KCNK17: variants seen among roughly 807,000 people sequenced by gnomAD.
KCNK17 encodes the protein potassium channel subfamily K member 17.
A neutral mutation model predicts 24.6 loss-of-function variants in KCNK17; 27 were observed. The observed-to-expected ratio is 1.10, with a 90% CI of 0.81 to 1.51. The LOEUF (loss-of-function observed/expected upper bound fraction) is 1.51, where lower values mean the gene tolerates loss of function less well. Ranked by LOEUF, KCNK17 falls within the 40% of genes most tolerant of loss-of-function variation. The probability of loss-of-function intolerance (pLI) is 0.00; values close to 1 mark genes in which losing one functional copy is unlikely to be tolerated. For synonymous variants in KCNK17, 181 were observed against 189.8 expected (o/e 0.95, Z 0.38); for missense variants, 450 against 436.6 (o/e 1.03, Z -0.27).
At chr6:39,309,553 A>G (rs116678086) in intron 2 of KCNK17, among the ~76,000 whole-genome samples, 167 of 152,230 alleles carry the variant, frequency 1.1e-3, no homozygotes, top group Middle Eastern at 6.8e-3. Context: ...GCATAATCCA[A>G]GCTAGGGGTG....
At chr6:39,313,068 G>A (rs1762172678) in intron 1 of KCNK17, among the ~76,000 whole-genome samples, 1 of 152,210 alleles carries the variant, frequency 6.6e-6, no homozygotes, top group African/African-American at 2.4e-5. Context: ...CTGCAAGACG[G>A]GGATTCTGGG....
intron 1 of KCNK17, among the ~76,000 whole-genome samples, chr6:39,312,214 G>A (rs1317060902): frequency 6.6e-6 from 1 of 152,232 alleles, no homozygotes; most frequent in Non-Finnish European, 1.5e-5. Context: ...ATTTAGGACA[G>A]GTGGAGAAGC....
In KCNK17 at chr6:39,308,851, C is replaced by T. The variant is rs573373182; in HGVS notation, c.352+2042G>A. Among the ~76,000 whole-genome samples the T allele has an allele frequency of 5.3e-5, 8 of 152,352 alleles. No homozygotes were observed. The South Asian group carries it at 1.7e-3, about 32-fold the overall frequency. ...ATTCCAGATGTACCTCATCTTCCAT[C>T]TCCCTCTCCTTCTCTCTCCAAATAC... On this transcript the variant is annotated intron_variant, in intron 2 of 4. Coordinates refer to ENST00000373231, the MANE Select transcript of KCNK17 (RefSeq NM_031460.4).
rs151078165 is a variant in KCNK17 at position 39,311,360 on chromosome 6, G to A, written c.238-353C>T. On this transcript the variant is annotated intron_variant, in intron 1 of 4. Transcript: ENST00000373231. ...CAACAAACACTAGGCCAGGCGTGAT[G>A]TGTGGTGCTTTTAGGGGACGTGACC... is the stretch of plus-strand genomic sequence containing the variant. 4.0e-3 allele frequency among the ~76,000 whole-genome samples: 613 copies of A among 152,290 alleles called. 1 individual carries two copies. Among genetic ancestry groups the A allele is most frequent in the Middle Eastern group, 0.01 (3 of 294 alleles).
chr6:39,309,260 GT>G (rs1327238479), intron 2 of KCNK17, among the ~76,000 whole-genome samples: 1 of 152,228 alleles, frequency 6.6e-6, no homozygotes, highest in East Asian at 1.9e-4. Context: ...GGAGGCGGAG[GT>G]TTCAGTGAGC....
intron 1 of KCNK17, among the ~76,000 whole-genome samples, chr6:39,312,471 G>A (rs1762156280): frequency 2.0e-5 from 3 of 152,188 alleles, no homozygotes; most frequent in South Asian, 4.1e-4. Flanking sequence ...CCACACTGAG[G>A]CAGTATTTAT....
intron 2 of KCNK17, among the ~76,000 whole-genome samples, chr6:39,308,377 G>A (rs1282582470): frequency 3.3e-5 from 5 of 152,178 alleles, no homozygotes; most frequent in Admixed American, 2.0e-4. Flanking sequence ...TGCAACCTCC[G>A]CCTCCCAGGC....
intron 4 of KCNK17, among the ~76,000 whole-genome samples, chr6:39,301,782 A>T (rs1257561901): frequency 6.6e-6 from 1 of 152,220 alleles, no homozygotes; most frequent in African/African-American, 2.4e-5. Context: ...GCCTTCAGGC[A>T]GAGGAGTGGC....
chr6:39,302,952 G>A (rs1186082719), intron 4 of KCNK17, among the ~76,000 whole-genome samples: 1 of 152,140 alleles, frequency 6.6e-6, no homozygotes, highest in African/African-American at 2.4e-5. Context: ...CAGGAACACT[G>A]AGGCCCAGAG....
rs557213391 is a variant in KCNK17, at chr6:39,303,854, C to T, written c.688+103G>A. 381 of 1,333,902 alleles carry T rather than the reference C, an allele frequency of 2.9e-4. 5 individuals carry two copies. The South Asian group carries it at 4.7e-3, about 16-fold the overall frequency. 82.6% of individuals were successfully genotyped at this position (1,333,902 alleles called of 1,614,324 possible). Reference sequence around the variant, plus strand: ...CTCCGGATTTTGGGCCCAAAAGCCCCCACATGGCGTGCACACAGCAGGTGC... The same window carrying T: ...CTCCGGATTTTGGGCCCAAAAGCCCTCACATGGCGTGCACACAGCAGGTGC... On this transcript the variant is annotated intron_variant, in intron 4 of 4. Transcript: ENST00000373231.
chr6:39,314,105 C>T lies in KCNK17; in HGVS notation c.216G>A (p.Pro72=). The change falls in exon 1 of 5, where the codon CCG becomes CCA. Residue 72 remains proline, a synonymous_variant. Coordinates refer to ENST00000373231, the MANE Select transcript of KCNK17 (RefSeq NM_031460.4). The part of the protein sequence containing the change: ...LLQNFTCLDR[P]ALDSLIRDVV... Reference sequence around the variant, plus strand: ...TGACCCGGATCAGCGAGTCCAGCGCCGGGCGGTCCAGACACGTGAAGTTCT... The same window carrying T: ...TGACCCGGATCAGCGAGTCCAGCGCTGGGCGGTCCAGACACGTGAAGTTCT... The T allele has an allele frequency of 2.5e-6, 4 of 1,589,412 alleles. No individual in the cohort carries two copies. Among genetic ancestry groups the T allele is most frequent in the East Asian group, 2.3e-5 (1 of 43,978 alleles).
chr6:39,311,173 G>A (rs542290723), intron 1 of KCNK17, among the ~76,000 whole-genome samples, 166 bp from the exon 2 acceptor site: 26 of 151,730 alleles, frequency 1.7e-4, no homozygotes, highest in African/African-American at 5.8e-4. Context: ...CAGCCCACCA[G>A]GGCAAGGAGG....
At chr6:39,303,825 G>C in intron 4 of KCNK17, 132 bp downstream of exon 4, 1 of 994,576 alleles carries the variant, frequency 1.0e-6, no homozygotes, top group Non-Finnish European at 1.5e-6. Flanking sequence ...GGGTAGGACA[G>C]TGTCTCCGGA....
intron 4 of KCNK17, among the ~76,000 whole-genome samples, chr6:39,302,933 T>A (rs537062637): frequency 1.4e-4 from 21 of 152,280 alleles, no homozygotes; most frequent in African/African-American, 5.1e-4. Flanking sequence ...GATTGCCTCA[T>A]TTTATAGGCA....
Position 39,299,521 on chromosome 6 carries a change from G to C in KCNK17, c.905C>G (p.Ser302Cys), listed in dbSNP as rs1761913129. The C allele has an allele frequency of 6.2e-7, 1 of 1,614,116 alleles. No individual in the cohort carries two copies. The highest frequency in any genetic ancestry group is 1.1e-5 in the South Asian group (1 of 91,092). ...CTCTGGATAGCATCCTTGCTGTGGGGAGTGGGACTCTGGCTCCCGGTCAGG... is the reference window on the plus strand; with the variant it reads ...CTCTGGATAGCATCCTTGCTGTGGGCAGTGGGACTCTGGCTCCCGGTCAGG... ...QGPDREPESHSPQQGCYPEGP... is the reference protein window; with the variant it reads ...QGPDREPESHCPQQGCYPEGP... The change falls in exon 5 of 5, where the codon TCC becomes TGC. Residue 302 changes from serine (S) to cysteine (C), a missense_variant. Ser to Cys is a moderately radical substitution (Grantham distance 112, BLOSUM62 -1). Transcript: ENST00000373231.
intron 2 of KCNK17, among the ~76,000 whole-genome samples, chr6:39,308,641 C>G (rs1418372177): frequency 6.6e-6 from 1 of 152,216 alleles, no homozygotes; most frequent in Non-Finnish European, 1.5e-5. Flanking sequence ...AACCAATGAG[C>G]AAGCCAGGAA....
chr6:39,314,019 C>G, intron 1 of KCNK17, 65 bp downstream of exon 1: 1 of 1,294,146 alleles, frequency 7.7e-7, no homozygotes, highest in Non-Finnish European at 1.0e-6. Flanking sequence ...TCGCCCTCGG[C>G]CCGTACACCC....
rs79430822 is a variant in KCNK17, at chr6:39,303,245, C to T, written c.688+712G>A. 7.8e-3 allele frequency among the ~76,000 whole-genome samples: 1,193 copies of T among 152,282 alleles called. 21 individuals are homozygous for T. Among genetic ancestry groups the T allele is most frequent in the African/African-American group, 0.027 (1,127 of 41,546 alleles). ...TGGGATCAGAGGGAGTGCATGAAGC[C>T]GCTTGAGGCTGGCGCGGTAGTGGTG... On this transcript the variant is annotated intron_variant, in intron 4 of 4. Coordinates refer to ENST00000373231, the MANE Select transcript of KCNK17 (RefSeq NM_031460.4).
At chr6:39,303,362 C>T (rs1329248215) in intron 4 of KCNK17, among the ~76,000 whole-genome samples, 1 of 152,206 alleles carries the variant, frequency 6.6e-6, no homozygotes, top group East Asian at 1.9e-4. Context: ...CCTCCACTGC[C>T]ACCTGCTGGG....
Sources: gnomAD v4.1 joint callset for allele counts (sites outside exome capture counted in the v4.1 genomes callset) on GRCh38, gnomAD v4.1.1 for gene constraint, MANE v1.5 for transcripts, NCBI Gene and HGNC (gene_info 2026-07-23, HGNC 2026-07-21) for gene names.